The following DSCAML1 variants were observed in gnomAD, a reference collection of about 807,000 sequenced individuals.
The protein encoded by DSCAML1 is cell adhesion molecule DSCAML1.
Under a neutral mutation model 200.5 loss-of-function variants are expected in DSCAML1, and 38 were observed. The observed-to-expected ratio is 0.19, with a 90% CI of 0.15 to 0.25. DSCAML1 has a LOEUF of 0.25. Among genes scored for constraint, DSCAML1 ranks in the 10% least tolerant of loss-of-function variants. The pLI is 1.00. For synonymous variants in DSCAML1, 1,215 were observed against 1,165.0 expected, an observed-to-expected ratio of 1.04 and a Z score of -0.87; for missense variants, 2,223 against 2,858.8, an observed-to-expected ratio of 0.78 and a Z score of 5.07.
intron 1 of DSCAML1, among the ~76,000 whole-genome samples, chr11:117,815,276 T>A (rs2134092531): frequency 6.6e-6 from 1 of 152,312 alleles, no homozygotes; most frequent in South Asian, 2.1e-4. Flanking sequence ...CTCCTTGACG[T>A]GTGAGCTGAA....
intron 20 of DSCAML1, among the ~76,000 whole-genome samples, chr11:117,445,006 G>C (rs559686147): frequency 6.6e-6 from 1 of 152,314 alleles, no homozygotes; most frequent in East Asian, 1.9e-4. Context: ...CCCGAGGCCA[G>C]AGGGAGCTAA....
chr11:117,805,747 C>G (rs1225374887), intron 1 of DSCAML1, among the ~76,000 whole-genome samples: 2 of 152,196 alleles, frequency 1.3e-5, no homozygotes, highest in African/African-American at 2.4e-5. Context: ...GTGCCCAGCC[C>G]CTGTGCAAGG....
Position 117,516,899 on chromosome 11 carries a change from A to G in DSCAML1, c.1511-160T>C, listed in dbSNP as rs1734564452. ...GGGGGCACAGGGATGCCTTTTTACA[A>G]AGCTACAGACAGGGGCTGGAATTGG... On this transcript the variant is annotated intron_variant, in intron 7 of 32. Coordinates refer to ENST00000651296, the MANE Select transcript of DSCAML1 (RefSeq NM_020693.4). This position sits in a 1 kb window ranked among gnomAD's most constrained non-coding sequence, Gnocchi z 5.7. Among the ~76,000 whole-genome samples the G allele has an allele frequency of 1.3e-5, 2 of 152,200 alleles. No individual in the cohort carries two copies. The highest frequency in any genetic ancestry group is 4.8e-5 in the African/African-American group (2 of 41,538).
chr11:117,602,136 C>A (rs2051477685), intron 3 of DSCAML1, among the ~76,000 whole-genome samples: 1 of 152,274 alleles, frequency 6.6e-6, no homozygotes, highest in Non-Finnish European at 1.5e-5. Context: ...AGAGGTGCTG[C>A]CTTCTCACGA....
chr11:117,600,341 A>C (rs527310971), intron 3 of DSCAML1, among the ~76,000 whole-genome samples: 1 of 152,210 alleles, frequency 6.6e-6, no homozygotes, highest in East Asian at 1.9e-4. Flanking sequence ...TCTTGCAGGC[A>C]CGTGACCGCC....
chr11:117,521,280 C>G lies in DSCAML1; in HGVS notation c.1063G>C (p.Val355Leu), dbSNP rs190172769. ...TIRWYRNTEL[V>L]LPDEAISIRG... ...ATGGAGATGGCCTCGTCAGGCAGCA[C>G]CAGCTCCGTGTTGCGATACCAGCGG... Residue 355 changes from valine to leucine, a missense_variant, in exon 6 of 33, where the codon GTG (valine) becomes CTG (leucine). Coordinates refer to ENST00000651296, the MANE Select transcript of DSCAML1 (RefSeq NM_020693.4). 3.1e-6 allele frequency: 5 copies of G among 1,614,214 alleles called. No individual in the cohort carries two copies. In the South Asian group the frequency reaches 5.5e-5, roughly 18 times the overall value.
intron 3 of DSCAML1, among the ~76,000 whole-genome samples, chr11:117,539,788 A>G (rs1293521109): frequency 6.6e-6 from 1 of 152,178 alleles, no homozygotes; most frequent in East Asian, 1.9e-4. Flanking sequence ...TATATCCAAA[A>G]GAACTGAAAG....
At chr11:117,673,341 C>T (rs1398062911) in intron 3 of DSCAML1, among the ~76,000 whole-genome samples, 1 of 152,232 alleles carries the variant, frequency 6.6e-6, no homozygotes, top group East Asian at 1.9e-4. Context: ...TAAGCATCTT[C>T]CTGAGCCAGC....
At chr11:117,629,767 T>G (rs1161099518) in intron 3 of DSCAML1, among the ~76,000 whole-genome samples, 2 of 151,550 alleles carry the variant, frequency 1.3e-5, no homozygotes, top group Non-Finnish European at 2.9e-5. Context: ...GAGGCCAAGG[T>G]GGAAGGAGTG....
chr11:117,712,494 G>C (rs994065061), intron 3 of DSCAML1, among the ~76,000 whole-genome samples: 5 of 152,136 alleles, frequency 3.3e-5, no homozygotes, highest in Non-Finnish European at 5.9e-5. Context: ...GTTAGGGCTG[G>C]AAAATTTATG....
chr11:117,538,100 A>G (rs951772771), intron 3 of DSCAML1, among the ~76,000 whole-genome samples: 14 of 152,182 alleles, frequency 9.2e-5, no homozygotes, highest in African/African-American at 3.1e-4. Context: ...GATCTTTTCA[A>G]ATGGAACTCT....
intron 3 of DSCAML1, among the ~76,000 whole-genome samples, chr11:117,672,088 G>C (rs974432974): frequency 8.7e-6 from 1 of 115,172 alleles, no homozygotes; most frequent in Non-Finnish European, 1.7e-5. Context: ...GCGACAGAGC[G>C]AGACTCCAGC....
chr11:117,804,468 T>C lies in DSCAML1; in HGVS notation c.-250+12922A>G, dbSNP rs563864014. Among the ~76,000 whole-genome samples the C allele has an allele frequency of 2.6e-4, 40 of 152,338 alleles. 1 individual carries two copies. The South Asian group carries it at 7.9e-3, about 30-fold the overall frequency. ...CAAATCTGCCTTAGCTTTCTGGAGTTCAAAAGATGTGCCCAATCTGGACAA... is the reference window on the plus strand; with the variant it reads ...CAAATCTGCCTTAGCTTTCTGGAGTCCAAAAGATGTGCCCAATCTGGACAA... On this transcript the variant is annotated intron_variant, in intron 1 of 2. Transcript: ENST00000525836.
At chr11:117,436,722 G>A (rs966039509) in intron 26 of DSCAML1, among the ~76,000 whole-genome samples, 7 of 152,092 alleles carry the variant, frequency 4.6e-5, no homozygotes, top group African/African-American at 1.7e-4. Flanking sequence ...TGGTATTTGC[G>A]ACTGCAGCAT....
In DSCAML1 at chr11:117,780,732, C is replaced by A; in HGVS notation, c.125G>T (p.Gly42Val). 1 of 1,561,692 alleles carries A rather than the reference C, an allele frequency of 6.4e-7. No homozygotes were observed. The highest frequency in any genetic ancestry group is 2.0e-5 in the Admixed American group (1 of 51,004). The change falls in exon 2 of 33, where the codon GGG (glycine) becomes GTG (valine). Residue 42 changes from glycine (G) to valine (V), a missense_variant. By Grantham distance (109) the Gly-to-Val change is moderately radical. Transcript: ENST00000651296. This position sits in a 1 kb window ranked among gnomAD's most constrained non-coding sequence, Gnocchi z 4.8. ...LQQVTFSSSV[G>V]VVVPCPAAGS... Reference sequence around the variant, plus strand: ...CGCGGCCGGGCAGGGCACCACCACCCCCACGGAGCTGGAAAAGGTCACCTG... The same window carrying A: ...CGCGGCCGGGCAGGGCACCACCACCACCACGGAGCTGGAAAAGGTCACCTG...
rs149755316 is a variant in DSCAML1 at position 117,428,817 on chromosome 11, G to A, written c.5687-14C>T. Reference sequence around the variant, plus strand: ...TGCAGTAGTCACCTGGAATCACAGAGGCAGAGGATGTTACAGAGAGTCATA... The same window carrying A: ...TGCAGTAGTCACCTGGAATCACAGAAGCAGAGGATGTTACAGAGAGTCATA... On this transcript the variant is annotated splice_polypyrimidine_tract_variant and intron_variant, in intron 32 of 32. Transcript: ENST00000651296. The A allele has an allele frequency of 2.9e-4, 459 of 1,577,264 alleles. 3 individuals are homozygous for A. In the African/African-American group the frequency reaches 5.9e-3, roughly 20 times the overall value.
At chr11:117,472,568 C>G (rs543359944) in intron 14 of DSCAML1, among the ~76,000 whole-genome samples, 47 of 152,270 alleles carry the variant, frequency 3.1e-4, no homozygotes, top group Admixed American at 5.9e-4. Flanking sequence ...GGGGGACAGG[C>G]CAAGTACCAG....
intron 3 of DSCAML1, among the ~76,000 whole-genome samples, chr11:117,646,360 T>C (rs1369080959): frequency 6.6e-6 from 1 of 152,104 alleles, no homozygotes; most frequent in Non-Finnish European, 1.5e-5. Flanking sequence ...GAATGTTTGA[T>C]GAGGCCAGAA....
chr11:117,649,830 G>A (rs1253886140), intron 3 of DSCAML1, among the ~76,000 whole-genome samples: 1 of 152,220 alleles, frequency 6.6e-6, no homozygotes, highest in Non-Finnish European at 1.5e-5. Context: ...TTCTCACAGG[G>A]AGATTTGTGC....
Sources: allele counts gnomAD v4.1 joint callset (sites outside exome capture counted in the v4.1 genomes callset), GRCh38; gene constraint gnomAD v4.1.1; non-coding constraint Gnocchi (gnomAD v3.1); transcripts MANE v1.5; gene names NCBI Gene and HGNC (gene_info 2026-07-23, HGNC 2026-07-21).